The following NSF variants were observed in gnomAD, a reference collection of about 807,000 sequenced individuals.
NSF encodes the protein N-ethylmaleimide sensitive factor, vesicle fusing ATPase.
Under a neutral mutation model 50.3 loss-of-function variants are expected in NSF, and 14 were observed. The observed-to-expected ratio is 0.28, with a 90% CI of 0.18 to 0.44. NSF has a LOEUF of 0.44. NSF is among the 20% of genes least tolerant of loss of function. NSF has a pLI of 1.00. For missense variants in NSF, 218 were observed against 504.3 expected, an observed-to-expected ratio of 0.43 and a Z score of 5.44; for synonymous variants, 109 against 175.7, an observed-to-expected ratio of 0.62 and a Z score of 3.00.
intron 17 of NSF, among the ~76,000 whole-genome samples, chr17:46,735,803 G>A (rs199446): frequency 0.67 from 102,403 of 151,954 alleles, 35,682 homozygotes; most frequent in South Asian, 0.81. Context: ...AAATTAGCTC[G>A]ACGTGGTGGT....
rs1036765751 is a variant in NSF, at chr17:46,748,921, A to G, written c.1909-852A>G. On this transcript the variant is annotated intron_variant, in intron 17 of 20. Coordinates refer to ENST00000398238, the MANE Select transcript of NSF (RefSeq NM_006178.4). ...AGCTGTAAACCACATTTGTATAAACATAATAAATACTGAATATAGATTTAA... is the reference window on the plus strand; with the variant it reads ...AGCTGTAAACCACATTTGTATAAACGTAATAAATACTGAATATAGATTTAA... 4.6e-5 allele frequency among the ~76,000 whole-genome samples: 7 copies of G among 152,248 alleles called. No homozygotes were observed. The East Asian group carries it at 1.3e-3, about 29-fold the overall frequency.
At chr17:46,622,273 C>T (rs1305482303) in intron 1 of NSF, among the ~76,000 whole-genome samples, 6 of 145,320 alleles carry the variant, frequency 4.1e-5, no homozygotes, top group East Asian at 2.1e-4. Context: ...CTGGCTAACA[C>T]GGTGAAACCC....
At position 46,737,952 on chromosome 17, in the gene NSF, A is replaced by ATTATTATTATTG. The variant is rs530345654; in HGVS notation, c.1908+9018_1908+9019insTTATTATTATTG. On this transcript the variant is annotated intron_variant, in intron 17 of 20. Transcript: ENST00000398238. ...TATTATTATTATTATTATTATTATT[A>ATTATTATTATTG]GAGATAGGATCTTGCTGTGTTGCCC... Among the ~76,000 whole-genome samples, 103 of 139,980 alleles carry ATTATTATTATTG rather than the reference A, an allele frequency of 7.4e-4. 2 individuals carry two copies. Among genetic ancestry groups the ATTATTATTATTG allele is most frequent in the East Asian group, 7.1e-3 (34 of 4,784 alleles). The allele number at this position is 139,980 out of a possible 152,430, so 91.8% of individuals were successfully genotyped here.
Position 46,756,300 on chromosome 17 carries a change from A to G in NSF, c.*477A>G, listed in dbSNP as rs552419778. On this transcript the variant is annotated 3_prime_UTR_variant, in exon 21 of 21. Coordinates refer to ENST00000398238, the MANE Select transcript of NSF (RefSeq NM_006178.4). Reference sequence around the variant, plus strand: ...TGACAGCTGTCCTGAGCTAACACTAAAAGTCACTGGGTATTTGGTTAAAGG... The same window carrying G: ...TGACAGCTGTCCTGAGCTAACACTAGAAGTCACTGGGTATTTGGTTAAAGG... 6.5e-6 allele frequency: 1 copy of G among 153,174 alleles called. No homozygotes were observed. Among genetic ancestry groups the G allele is most frequent in the East Asian group, 1.9e-4 (1 of 5,216 alleles). The allele number at this position is 153,174 out of a possible 1,614,324, so 9.5% of individuals were successfully genotyped here. A position where few individuals can be genotyped will look rare whatever the true frequency, so the allele number is the denominator to read the frequency against.
intron 17 of NSF, among the ~76,000 whole-genome samples, chr17:46,733,794 A>G (rs938972535): frequency 6.6e-6 from 1 of 152,222 alleles, no homozygotes; most frequent in African/African-American, 2.4e-5. Context: ...TACCACTCCA[A>G]CGTCATAGCA....
rs371079455 is a variant in NSF, at chr17:46,749,736, T to C, written c.1909-37T>C. Reference sequence around the variant, plus strand: ...TACTGTAGTTTCCTAATTAGTCTTATTATGTACATTTTAACACATTTTCTC... The same window carrying C: ...TACTGTAGTTTCCTAATTAGTCTTACTATGTACATTTTAACACATTTTCTC... On this transcript the variant is annotated intron_variant, in intron 17 of 20. Transcript: ENST00000398238. 644 of 1,589,536 alleles carry C rather than the reference T, an allele frequency of 4.1e-4. 7 individuals carry two copies. The highest frequency in any genetic ancestry group is 3.7e-3 in the South Asian group (320 of 87,646).
intron 15 of NSF, among the ~76,000 whole-genome samples, chr17:46,723,755 C>T (rs2058856796): frequency 6.6e-6 from 1 of 152,202 alleles, no homozygotes; most frequent in African/African-American, 2.4e-5. Flanking sequence ...TAGATTCTGT[C>T]CACTTACCAG....
chr17:46,740,477 G>A (rs990052432), intron 17 of NSF, among the ~76,000 whole-genome samples: 1 of 152,038 alleles, frequency 6.6e-6, no homozygotes, highest in African/African-American at 2.4e-5. Flanking sequence ...GTCAATTTAG[G>A]GTATATCAAG....
Position 46,728,907 on chromosome 17 carries a change from C to T in NSF, c.1881C>T (p.Leu627=), listed in dbSNP as rs772443136. ...CAAATCTTGTATTACAGGCTCTTCTCGTTTTACTGAAAAAGGCACCTCCTC... is the reference window on the plus strand; with the variant it reads ...CAAATCTTGTATTACAGGCTCTTCTTGTTTTACTGAAAAAGGCACCTCCTC... ...RFSNLVLQAL[L]VLLKKAPPQG... Residue 627 remains leucine, a synonymous_variant, in exon 17 of 21, where the codon CTC becomes CTT. Transcript: ENST00000398238. 15 of 1,607,022 alleles carry T rather than the reference C, an allele frequency of 9.3e-6. No homozygotes were observed. The highest frequency in any genetic ancestry group is 1.7e-5 in the Admixed American group (1 of 59,378).
intron 15 of NSF, among the ~76,000 whole-genome samples, chr17:46,717,335 G>C (rs576015343): frequency 6.6e-6 from 1 of 152,250 alleles, no homozygotes; most frequent in Admixed American, 6.5e-5. Flanking sequence ...GTTATCAGAG[G>C]CTGGGAAGGG....
intron 14 of NSF, 37 bp from the exon 15 acceptor site, chr17:46,713,816 G>A (rs771449005): frequency 1.3e-6 from 2 of 1,594,918 alleles, no homozygotes; most frequent in Admixed American, 1.8e-5. Context: ...TGCTTAGGTT[G>A]GCTTTTTTCC....
chr17:46,718,636 C>T (rs138882293), intron 15 of NSF, among the ~76,000 whole-genome samples: 26 of 152,162 alleles, frequency 1.7e-4, no homozygotes, highest in East Asian at 1.2e-3. Context: ...ATAACATGAC[C>T]GAGAATTTGG....
intron 13 of NSF, among the ~76,000 whole-genome samples, chr17:46,708,477 A>G (rs935472085): frequency 1.4e-5 from 2 of 145,520 alleles, no homozygotes; most frequent in East Asian, 4.0e-4. Flanking sequence ...CTTATCAACC[A>G]TTTGTTACAT....
At chr17:46,691,405 G>C (rs1009823398) in intron 9 of NSF, among the ~76,000 whole-genome samples, 12 of 111,264 alleles carry the variant, frequency 1.1e-4, no homozygotes, top group Non-Finnish European at 2.2e-4. Flanking sequence ...GACCAGCCTG[G>C]CAAACATGGT....
intron 12 of NSF, among the ~76,000 whole-genome samples, chr17:46,697,282 C>G (rs2058604113): frequency 7.7e-6 from 1 of 130,602 alleles, no homozygotes. Context: ...ACAGTCTTCG[C>G]TCACTGCAAC....
At chr17:46,750,021 C>A in intron 18 of NSF, 114 bp downstream of exon 18, 1 of 1,213,066 alleles carries the variant, frequency 8.2e-7, no homozygotes, top group Non-Finnish European at 1.2e-6. Context: ...GAACATGGGA[C>A]CCGGGGATAT....
chr17:46,691,350 T>G (rs906142228), intron 9 of NSF, among the ~76,000 whole-genome samples: 31 of 99,712 alleles, frequency 3.1e-4, no homozygotes, highest in African/African-American at 1.1e-3. Flanking sequence ...ATCCCAGCAC[T>G]TTGGGAGGCT....
Position 46,738,550 on chromosome 17 carries a change from G to C in NSF, c.1908+9616G>C, listed in dbSNP as rs549361154. ...TTGATGGGTCAGTATTTTCATGGGT[G>C]GGACTCAGCAGGAACTGTTGGAATA... On this transcript the variant is annotated intron_variant, in intron 17 of 20. Transcript: ENST00000398238. Among the ~76,000 whole-genome samples, 3 of 152,338 alleles carry C rather than the reference G, an allele frequency of 2.0e-5. No individual in the cohort carries two copies. The South Asian group carries it at 6.2e-4, about 32-fold the overall frequency.
intron 9 of NSF, among the ~76,000 whole-genome samples, chr17:46,676,511 C>T (rs2058410714): frequency 6.8e-6 from 1 of 146,914 alleles, no homozygotes; most frequent in Non-Finnish European, 1.5e-5. Context: ...AGATTATAGG[C>T]GTGACCCACC....
Sources: allele counts gnomAD v4.1 joint callset (sites outside exome capture counted in the v4.1 genomes callset), GRCh38; gene constraint gnomAD v4.1.1; transcripts MANE v1.5; gene names NCBI Gene and HGNC (gene_info 2026-07-23, HGNC 2026-07-21).